The following TCP11L2 variants were observed in gnomAD, a reference collection of about 807,000 sequenced individuals.
The protein encoded by TCP11L2 is t-complex 11 like 2.
In TCP11L2, 39 loss-of-function variants were observed where a neutral mutation model predicts 50.7. The observed-to-expected ratio is 0.77, with a 90% CI of 0.60 to 1.01. The LOEUF (loss-of-function observed/expected upper bound fraction) is 1.01, where lower values mean the gene tolerates loss of function less well. Ranked by LOEUF, TCP11L2 falls within the 50% of genes least tolerant of loss-of-function variation. The pLI is 0.00. For synonymous variants in TCP11L2, 192 were observed against 219.3 expected, an observed-to-expected ratio of 0.88 and a Z score of 1.10; for missense variants, 612 against 614.7, an observed-to-expected ratio of 1.00 and a Z score of 0.05.
chr12:106,335,689 T>C lies in TCP11L2; in HGVS notation c.823T>C (p.Leu275=). ...EWIKESVNEE[L]FSLSESALTP... is the part of the protein sequence containing the mutation. ...GATAAAAGAATCTGTAAATGAAGAA[T>C]TATTTTCTCTTTCTGAGAGTGCTTT... Residue 275 remains leucine (L), a synonymous_variant, in exon 7 of 10, where the codon TTA becomes CTA. Transcript: ENST00000299045. 1.2e-6 allele frequency: 2 copies of C among 1,614,230 alleles called. No homozygotes were observed. The highest frequency in any genetic ancestry group is 1.7e-6 in the Non-Finnish European group (2 of 1,180,042).
At chr12:106,314,566 TGTGTGTGTGTGAGA>T (rs1251285332) in intron 3 of TCP11L2, 73 bp downstream of exon 3, 18 of 994,068 alleles carry the variant, frequency 1.8e-5, no homozygotes, top group Middle Eastern at 2.5e-4. Flanking sequence ...TGTGTGTGTG[TGTGTGTGTGTGAGA>T]GAGAGAGAGA....
At chr12:106,315,272 C>T (rs1362479114) in intron 3 of TCP11L2, among the ~76,000 whole-genome samples, 1 of 151,976 alleles carries the variant, frequency 6.6e-6, no homozygotes, top group Non-Finnish European at 1.5e-5. Context: ...AAAAATTCCC[C>T]TAGGATACAT....
chr12:106,338,672 A>G (rs898787041), intron 8 of TCP11L2, among the ~76,000 whole-genome samples: 3 of 152,240 alleles, frequency 2.0e-5, no homozygotes, highest in African/African-American at 7.2e-5. Context: ...TCCTTTGGGA[A>G]TAAACCCAGT....
At chr12:106,339,624 C>G (rs1043409830) in intron 8 of TCP11L2, among the ~76,000 whole-genome samples, 5 of 152,156 alleles carry the variant, frequency 3.3e-5, no homozygotes, top group African/African-American at 1.2e-4. Flanking sequence ...AGTCTTTAAT[C>G]CATCTTGAGT....
upstream of TCP11L2, chr12:106,301,983 G>A (rs554120133): frequency 2.0e-5 from 3 of 152,354 alleles, no homozygotes; most frequent in South Asian, 6.2e-4. Flanking sequence ...GGAGCTAATC[G>A]TCCCGTGCAG....
rs559186399 is a variant in TCP11L2, at chr12:106,314,300, C to T, written c.158-58C>T. 11 of 1,573,610 alleles carry T rather than the reference C, an allele frequency of 7.0e-6. No homozygotes were observed. The African/African-American group carries it at 1.4e-4, about 19-fold the overall frequency. ...ATTAAACCTTATCTGCATCAGGAGG[C>T]TTCGTTGGATGACAACTTTTCTTCT... On this transcript the variant is annotated intron_variant, in intron 2 of 9. Coordinates refer to ENST00000299045, the MANE Select transcript of TCP11L2 (RefSeq NM_152772.3).
intron 6 of TCP11L2, chr12:106,324,313 G>T (rs1328845647): frequency 6.6e-6 from 1 of 152,192 alleles, no homozygotes; most frequent in African/African-American, 2.4e-5. Context: ...GGGACTGCAG[G>T]TACAAAGGCA....
chr12:106,298,636 C>T (rs2034377388), upstream of TCP11L2, among the ~76,000 whole-genome samples: 1 of 152,114 alleles, frequency 6.6e-6, no homozygotes, highest in Non-Finnish European at 1.5e-5. Flanking sequence ...ATTCTCCTGC[C>T]TCAGCCTCCC....
chr12:106,310,150 G>A (rs1397180991), intron 1 of TCP11L2, among the ~76,000 whole-genome samples: 1 of 152,166 alleles, frequency 6.6e-6, no homozygotes, highest in African/African-American at 2.4e-5. Context: ...GTCCAAACCT[G>A]ACGGCCCTTC....
At chr12:106,341,082 G>A in intron 9 of TCP11L2, 84 bp downstream of exon 9, 2 of 1,150,422 alleles carry the variant, frequency 1.7e-6, no homozygotes, top group Non-Finnish European at 2.5e-6. Context: ...GTCAAATTTT[G>A]ATCTTAAACA....
intron 1 of TCP11L2, among the ~76,000 whole-genome samples, chr12:106,304,988 G>A (rs2034571077): frequency 1.3e-5 from 2 of 152,156 alleles, no homozygotes; most frequent in African/African-American, 4.8e-5. Context: ...TACCACATGT[G>A]CAAGTGTCCA....
chr12:106,324,462 G>T (rs1272532755), intron 6 of TCP11L2: 2 of 152,198 alleles, frequency 1.3e-5, no homozygotes, highest in Non-Finnish European at 2.9e-5. Flanking sequence ...GTTAGTAAAT[G>T]AGAGGAGTTT....
At chr12:106,330,092 A>G (rs1200750023) in intron 6 of TCP11L2, 1 of 985,340 alleles carries the variant, frequency 1.0e-6, no homozygotes, top group Non-Finnish European at 1.2e-6. Context: ...GAACTGTGGT[A>G]TAAAAAGCAA....
intron 4 of TCP11L2, among the ~76,000 whole-genome samples, chr12:106,319,226 A>G (rs1282295359): frequency 7.9e-5 from 12 of 152,074 alleles, no homozygotes; most frequent in Admixed American, 1.3e-4. Context: ...TCTCTTTTAT[A>G]ACAGTACAGT....
intron 8 of TCP11L2, 143 bp downstream of exon 8, chr12:106,336,356 T>A (rs2035920484): frequency 1.4e-6 from 1 of 736,614 alleles, no homozygotes; most frequent in African/African-American, 1.8e-5. Flanking sequence ...TTTCTAGAAT[T>A]TCCTTTAATA....
Position 106,336,492 on chromosome 12 carries a change from G to GA in TCP11L2, c.1142+286dup, listed in dbSNP as rs1474563075. ...ACAGCTTTTCTTTGACAGTGCTTTG[G>GA]AAAAAAACAAATGAAACACAGAAAT... On this transcript the variant is annotated intron_variant, in intron 8 of 9. Transcript: ENST00000299045. 1.3e-4 allele frequency among the ~76,000 whole-genome samples: 19 copies of GA among 150,244 alleles called. No homozygotes were observed. In the East Asian group the frequency reaches 2.7e-3, roughly 22 times the overall value.
At position 106,323,549 on chromosome 12, in the gene TCP11L2, G is replaced by T; in HGVS notation, c.675G>T (p.Met225Ile). ...FHVLDLMQMD[M>I]ANFTIMSLRP... is the part of the protein sequence containing the mutation. ...TCCTGGACCTCATGCAAATGGACAT[G>T]GCCAATTTTACAATTATGAGTCTCA... is the stretch of plus-strand genomic sequence containing the variant. Residue 225 changes from methionine (M) to isoleucine (I), a missense_variant, in exon 6 of 10, where the codon ATG (methionine) becomes ATT (isoleucine). Met to Ile is a conservative substitution (Grantham distance 10, BLOSUM62 1). Transcript: ENST00000299045. 1 of 1,607,560 alleles carries T rather than the reference G, an allele frequency of 6.2e-7. No individual in the cohort carries two copies. The highest frequency in any genetic ancestry group is 8.5e-7 in the Non-Finnish European group (1 of 1,176,704).
intron 4 of TCP11L2, among the ~76,000 whole-genome samples, chr12:106,318,806 GT>G (rs1345642958): frequency 6.6e-6 from 1 of 152,186 alleles, no homozygotes; most frequent in African/African-American, 2.4e-5. Flanking sequence ...TGCCTCCCGG[GT>G]TCAAGTAATT....
intron 3 of TCP11L2, among the ~76,000 whole-genome samples, chr12:106,317,085 G>A (rs568482055): frequency 3.9e-5 from 6 of 152,284 alleles, no homozygotes; most frequent in African/African-American, 1.4e-4. Context: ...ATACTCACTA[G>A]CATAAAAGTG....
Sources: allele counts gnomAD v4.1 joint callset (sites outside exome capture counted in the v4.1 genomes callset), GRCh38; gene constraint gnomAD v4.1.1; transcripts MANE v1.5; gene names NCBI Gene and HGNC (gene_info 2026-07-23, HGNC 2026-07-21).